ELMO1: variants seen among roughly 807,000 people sequenced by gnomAD.
ELMO1 encodes engulfment and cell motility protein 1.
A neutral mutation model predicts 98.9 loss-of-function variants in ELMO1; 26 were observed. The observed-to-expected ratio is 0.26, with a 90% CI of 0.19 to 0.36. ELMO1 has a LOEUF of 0.36. ELMO1 is among the 10% of genes least tolerant of loss of function. The probability of loss-of-function intolerance (pLI) is 1.00; values close to 1 mark genes in which losing one functional copy is unlikely to be tolerated. For missense variants in ELMO1, 627 were observed against 935.2 expected, an observed-to-expected ratio of 0.67 and a Z score of 4.30; for synonymous variants, 346 against 346.0, an observed-to-expected ratio of 1.00 and a Z score of 0.00.
intron 15 of ELMO1, among the ~76,000 whole-genome samples, chr7:37,049,515 C>T (rs979608306): frequency 1.3e-5 from 2 of 152,102 alleles, no homozygotes; most frequent in Non-Finnish European, 2.9e-5. Flanking sequence ...CCAAATGTGG[C>T]TTCTTCTTGG....
At chr7:37,356,107 T>C (rs1801482629) in intron 1 of ELMO1, among the ~76,000 whole-genome samples, 1 of 152,150 alleles carries the variant, frequency 6.6e-6, no homozygotes, top group South Asian at 2.1e-4. Flanking sequence ...TCTACTGCTC[T>C]CCTTTCTCCC....
intron 8 of ELMO1, among the ~76,000 whole-genome samples, chr7:37,229,367 G>T (rs1424385647): frequency 6.6e-6 from 1 of 151,804 alleles, no homozygotes; most frequent in African/African-American, 2.4e-5. Context: ...TTATATATTG[G>T]TATCAAGGAA....
chr7:37,151,493 C>T (rs1408172602), intron 13 of ELMO1, among the ~76,000 whole-genome samples: 3 of 152,086 alleles, frequency 2.0e-5, no homozygotes, highest in South Asian at 2.1e-4. Flanking sequence ...CCAAGCCTTC[C>T]GACCTGTAAA....
intron 7 of ELMO1, among the ~76,000 whole-genome samples, chr7:37,242,654 C>T (rs1430109073): frequency 1.3e-5 from 2 of 152,194 alleles, no homozygotes; most frequent in African/African-American, 2.4e-5. Flanking sequence ...CATCTTTGCT[C>T]AGATCTTTAA....
chr7:37,321,277 C>G (rs1799475126), intron 2 of ELMO1, among the ~76,000 whole-genome samples: 1 of 152,142 alleles, frequency 6.6e-6, no homozygotes, highest in African/African-American at 2.4e-5. Context: ...GCCTTATGGA[C>G]TTTTTAGTTA....
At chr7:37,168,935 C>A (rs969351283) in intron 13 of ELMO1, among the ~76,000 whole-genome samples, 4 of 152,316 alleles carry the variant, frequency 2.6e-5, no homozygotes, top group African/African-American at 9.6e-5. Flanking sequence ...TGTGCCCTGT[C>A]CCCAGAGGTG....
chr7:37,117,382 G>C (rs1198526712), intron 14 of ELMO1, among the ~76,000 whole-genome samples: 1 of 152,162 alleles, frequency 6.6e-6, no homozygotes. Context: ...ATCCGAGGTG[G>C]TGTGAGCACA....
At chr7:37,133,262 G>C in intron 13 of ELMO1, 28 bp from the exon 14 acceptor site, 1 of 1,570,764 alleles carries the variant, frequency 6.4e-7, no homozygotes, top group Non-Finnish European at 8.7e-7. Flanking sequence ...TCATGATAAG[G>C]TGAATTCTTC....
At chr7:37,080,366 A>G (rs1370266182) in intron 15 of ELMO1, among the ~76,000 whole-genome samples, 2 of 151,824 alleles carry the variant, frequency 1.3e-5, no homozygotes, top group Admixed American at 6.6e-5. Flanking sequence ...TTCTCTTTCT[A>G]CGTAGAGTAA....
Position 37,315,965 on chromosome 7 carries a change from A to C in ELMO1, c.79-5T>G. On this transcript the variant is annotated splice_region_variant and splice_polypyrimidine_tract_variant and intron_variant, in intron 2 of 21. Transcript: ENST00000310758. Reference sequence around the variant, plus strand: ...TATTGCAGACAGTGGTTTTTTCTGCAAAATAACAAAAAAGGAAATACTTGT... The same window carrying C: ...TATTGCAGACAGTGGTTTTTTCTGCCAAATAACAAAAAAGGAAATACTTGT... 1.3e-6 allele frequency: 2 copies of C among 1,517,494 alleles called. No individual in the cohort carries two copies. The highest frequency in any genetic ancestry group is 1.7e-6 in the Non-Finnish European group (2 of 1,143,348). The allele number at this position is 1,517,494 out of a possible 1,614,324, so 94.0% of individuals were successfully genotyped here.
At chr7:36,889,926 C>T (rs1805407454) in intron 17 of ELMO1, among the ~76,000 whole-genome samples, 1 of 152,142 alleles carries the variant, frequency 6.6e-6, no homozygotes, top group Non-Finnish European at 1.5e-5. Context: ...TGGCAGGTGC[C>T]CACCAGCTCT....
At chr7:37,280,916 G>C (rs191650090) in intron 4 of ELMO1, among the ~76,000 whole-genome samples, 1 of 151,166 alleles carries the variant, frequency 6.6e-6, no homozygotes, top group East Asian at 1.9e-4. Context: ...GTTTATAGCA[G>C]CACAATTCAC....
chr7:36,976,915 A>G (rs530012455), intron 16 of ELMO1, among the ~76,000 whole-genome samples: 10 of 152,340 alleles, frequency 6.6e-5, no homozygotes, highest in African/African-American at 2.2e-4. Context: ...CTATAGATCT[A>G]CCTACAGTTG....
intron 13 of ELMO1, among the ~76,000 whole-genome samples, chr7:37,138,541 A>T (rs1787413740): frequency 6.6e-6 from 1 of 152,238 alleles, no homozygotes; most frequent in South Asian, 2.1e-4. Flanking sequence ...AGAATCTCTG[A>T]GCAGACCAAT....
chr7:37,072,784 A>G (rs1481648002), intron 15 of ELMO1, among the ~76,000 whole-genome samples: 1 of 152,244 alleles, frequency 6.6e-6, no homozygotes, highest in Non-Finnish European at 1.5e-5. Flanking sequence ...AGTACCACTC[A>G]CATGCAATTA....
In ELMO1 at chr7:37,259,154, G is replaced by A; in HGVS notation, c.413+27C>T. On this transcript the variant is annotated intron_variant, in intron 6 of 21. Transcript: ENST00000310758. ...AAACGCGGAGACACGCAGGACAGCT[G>A]TGGAAGTTAGGAAAAAAGACGCTTA... is the stretch of plus-strand genomic sequence containing the variant. 2.5e-6 allele frequency: 4 copies of A among 1,597,256 alleles called. No individual in the cohort carries two copies. In the South Asian group the frequency reaches 4.5e-5, roughly 18 times the overall value.
At chr7:37,391,783 G>A (rs1353351534) in intron 1 of ELMO1, among the ~76,000 whole-genome samples, 2 of 152,172 alleles carry the variant, frequency 1.3e-5, no homozygotes, top group African/African-American at 2.4e-5. Flanking sequence ...ACACTCACCA[G>A]GGAAGAGCTG....
chr7:37,054,263 T>C (rs142641304), intron 15 of ELMO1, among the ~76,000 whole-genome samples: 159 of 152,352 alleles, frequency 1.0e-3, no homozygotes, highest in Non-Finnish European at 1.5e-3. Flanking sequence ...ACCTAGTCTT[T>C]TCCAAAATCC....
intron 1 of ELMO1, among the ~76,000 whole-genome samples, chr7:37,422,599 G>T (rs1804518469): frequency 6.6e-6 from 1 of 152,140 alleles, no homozygotes; most frequent in South Asian, 2.1e-4. Context: ...ATGTTTTGAT[G>T]GATTTTAAAA....
Sources: allele counts gnomAD v4.1 joint callset (sites outside exome capture counted in the v4.1 genomes callset), GRCh38; gene constraint gnomAD v4.1.1; transcripts MANE v1.5; gene names NCBI Gene and HGNC (gene_info 2026-07-23, HGNC 2026-07-21).